Variants in STK3 observed in about 807,000 individuals in gnomAD.
STK3 encodes the protein serine/threonine-protein kinase 3.
STK3 carries 41 observed loss-of-function variants against 58.0 expected under a neutral mutation model. The observed-to-expected ratio is 0.71, with a 90% CI of 0.55 to 0.92. The LOEUF is 0.92. STK3 is among the 40% of genes least tolerant of loss of function. The pLI is 0.00. For synonymous variants in STK3, 170 were observed against 191.0 expected (o/e 0.89, Z 0.91); for missense variants, 479 against 602.7 (o/e 0.79, Z 2.15).
intron 7 of STK3, among the ~76,000 whole-genome samples, chr8:98,588,837 T>G (rs915140248): frequency 7.9e-5 from 12 of 152,060 alleles, no homozygotes; most frequent in African/African-American, 2.7e-4. Context: ...TCTCGCTTCA[T>G]TTCACTCATT....
At chr8:98,885,144 C>G (rs1394442756) in intron 1 of STK3, among the ~76,000 whole-genome samples, 7 of 152,216 alleles carry the variant, frequency 4.6e-5, no homozygotes, top group African/African-American at 1.7e-4. Flanking sequence ...CTTGAACAAA[C>G]TTCTCATAAC....
At chr8:98,377,208 T>A (rs900923478) in intron 2 of STK3, among the ~76,000 whole-genome samples, 3 of 152,182 alleles carry the variant, frequency 2.0e-5, no homozygotes, top group African/African-American at 7.2e-5. Flanking sequence ...TCCAATAAGG[T>A]GATATGATAC....
At chr8:98,420,772 A>G (rs1818163352) in intron 3 of STK3, among the ~76,000 whole-genome samples, 1 of 152,238 alleles carries the variant, frequency 6.6e-6, no homozygotes, top group Non-Finnish European at 1.5e-5. Context: ...AGAGCTTGGC[A>G]CAGGGCCGAC....
chr8:98,710,261 A>G (rs1180916168), intron 4 of STK3, among the ~76,000 whole-genome samples: 2 of 152,146 alleles, frequency 1.3e-5, no homozygotes, highest in Non-Finnish European at 1.5e-5. Context: ...GAGGTACCAG[A>G]TTCATCTCAC....
intron 3 of STK3, among the ~76,000 whole-genome samples, chr8:98,765,887 C>T (rs1830914870): frequency 1.3e-5 from 2 of 152,224 alleles, no homozygotes. Flanking sequence ...AAAGCCTAGG[C>T]TACTTCACAT....
chr8:98,422,680 C>T (rs955359930), intron 3 of STK3, among the ~76,000 whole-genome samples: 1 of 152,178 alleles, frequency 6.6e-6, no homozygotes, highest in South Asian at 2.1e-4. Flanking sequence ...GTGCTCCCAC[C>T]GCAGGCAGGC....
chr8:98,414,138 C>T (rs1482116587), intron 3 of STK3, among the ~76,000 whole-genome samples: 3 of 152,122 alleles, frequency 2.0e-5, no homozygotes, highest in African/African-American at 7.2e-5. Context: ...GTGGTGCATG[C>T]CTGTATTCTC....
chr8:98,697,727 T>C (rs950095459), intron 6 of STK3, among the ~76,000 whole-genome samples: 6 of 152,194 alleles, frequency 3.9e-5, no homozygotes, highest in African/African-American at 1.4e-4. Context: ...GAGAGACAGT[T>C]TGTTATAATT....
At chr8:98,939,159 C>T (rs1031714717) in intron 1 of STK3, among the ~76,000 whole-genome samples, 6 of 152,124 alleles carry the variant, frequency 3.9e-5, no homozygotes, top group African/African-American at 4.8e-5. Context: ...GAATAAGCTG[C>T]CTAAAGCAGA....
chr8:98,582,237 C>G (rs1001407689), intron 7 of STK3, among the ~76,000 whole-genome samples: 2 of 152,028 alleles, frequency 1.3e-5, no homozygotes, highest in African/African-American at 4.8e-5. Flanking sequence ...AATAGGAAAA[C>G]TTTACTGCCT....
chr8:98,457,944 T>G (rs552044329), intron 10 of STK3, among the ~76,000 whole-genome samples: 1 of 152,274 alleles, frequency 6.6e-6, no homozygotes, highest in South Asian at 2.1e-4. Flanking sequence ...TTTAACAGAT[T>G]TTTATATTAT....
the STK3 span, among the ~76,000 whole-genome samples, chr8:98,365,791 A>G: frequency 6.6e-6 from 1 of 152,224 alleles, no homozygotes; most frequent in Non-Finnish European, 1.5e-5. Context: ...CCTATACATA[A>G]TATTCTGCAA....
At position 98,554,234 on chromosome 8, in the gene STK3, G is replaced by T. The variant is rs779445166; in HGVS notation, c.949-6073C>A. ...TTTTCCGAAGTAAAGAGATGAAGATGATTTTCTATCAGTTCCTTTTTTCAA... is the reference window on the plus strand; with the variant it reads ...TTTTCCGAAGTAAAGAGATGAAGATTATTTTCTATCAGTTCCTTTTTTCAA... On this transcript the variant is annotated intron_variant, in intron 8 of 10. Coordinates refer to ENST00000419617, the MANE Select transcript of STK3 (RefSeq NM_006281.4). 2.6e-5 allele frequency among the ~76,000 whole-genome samples: 4 copies of T among 152,124 alleles called. No homozygotes were observed. In the East Asian group the frequency reaches 5.8e-4, roughly 22 times the overall value.
intron 3 of STK3, among the ~76,000 whole-genome samples, chr8:98,851,025 T>C (rs1245077260): frequency 2.6e-5 from 4 of 152,140 alleles, no homozygotes; most frequent in African/African-American, 9.7e-5. Context: ...TGGCATCTCC[T>C]AGGAGATTTT....
chr8:98,724,951 C>A (rs1461903971), intron 4 of STK3, among the ~76,000 whole-genome samples: 1 of 152,118 alleles, frequency 6.6e-6, no homozygotes, highest in African/African-American at 2.4e-5. Context: ...TCTCAGTTCT[C>A]CCAAAAAATT....
chr8:98,434,454 A>G (rs1818414314), intron 2 of STK3: 1 of 152,184 alleles, frequency 6.6e-6, no homozygotes, highest in South Asian at 2.1e-4. Context: ...ATCTCCTCCT[A>G]CTTTTAGGAG....
intron 3 of STK3, among the ~76,000 whole-genome samples, chr8:98,763,575 T>C (rs758646252): frequency 1.6e-4 from 24 of 152,248 alleles, no homozygotes; most frequent in Non-Finnish European, 2.8e-4. Flanking sequence ...TTCCAATCAT[T>C]TTTATGCTAA....
chr8:98,470,431 T>G (rs947667151), intron 10 of STK3, among the ~76,000 whole-genome samples: 1 of 152,192 alleles, frequency 6.6e-6, no homozygotes, highest in African/African-American at 2.4e-5. Flanking sequence ...AGTCATAGTC[T>G]TAATCATTTT....
rs77824885 is a variant in STK3, at chr8:98,694,222, T to C, written c.684+12245A>G. On this transcript the variant is annotated intron_variant, in intron 6 of 10. Coordinates refer to ENST00000419617, the MANE Select transcript of STK3 (RefSeq NM_006281.4). ...AAGGAAAAGACTCTTCAGGAAAGGA[T>C]AGCATTATTTTTGAAAACATCATTC... Among the ~76,000 whole-genome samples the C allele has an allele frequency of 7.9e-4, 120 of 152,324 alleles. 2 individuals are homozygous for C. In the East Asian group the frequency reaches 0.019, roughly 24 times the overall value.
Sources: allele counts gnomAD v4.1 joint callset (sites outside exome capture counted in the v4.1 genomes callset), GRCh38; gene constraint gnomAD v4.1.1; transcripts MANE v1.5; gene names NCBI Gene and HGNC (gene_info 2026-07-23, HGNC 2026-07-21).